ADGRL2: variants seen among roughly 807,000 people sequenced by gnomAD.
The protein encoded by ADGRL2 is calcium-independent alpha-latrotoxin receptor 2.
In ADGRL2, 44 loss-of-function variants were observed where a neutral mutation model predicts 157.4. The ratio of observed to expected loss-of-function variants is 0.28; its 90% CI spans 0.22 to 0.36. The LOEUF (loss-of-function observed/expected upper bound fraction) is 0.36. Among genes scored for constraint, ADGRL2 ranks in the 10% least tolerant of loss-of-function variants. ADGRL2 has a pLI of 1.00. For missense variants in ADGRL2, 1,510 were observed against 1,768.9 expected (o/e 0.85, Z 2.63); for synonymous variants, 585 against 624.7 (o/e 0.94, Z 0.95).
intron 1 of ADGRL2, among the ~76,000 whole-genome samples, chr1:81,388,248 A>T (rs1170516424): frequency 6.6e-6 from 1 of 152,114 alleles, no homozygotes; most frequent in Non-Finnish European, 1.5e-5. Context: ...TGTGTGTTTT[A>T]TTCAGGAGGA....
intron 3 of ADGRL2, among the ~76,000 whole-genome samples, chr1:81,601,022 T>A (rs886713790): frequency 2.0e-5 from 3 of 152,134 alleles, no homozygotes; most frequent in Admixed American, 2.0e-4. Flanking sequence ...AAGTAATGAG[T>A]GTGCTTCCAT....
At chr1:81,838,535 G>A (rs547159846) in intron 2 of ADGRL2, among the ~76,000 whole-genome samples, 1 of 152,060 alleles carries the variant, frequency 6.6e-6, no homozygotes, top group Admixed American at 6.6e-5. Context: ...TTTCTGGCTT[G>A]GATTGTTGTG....
intron 1 of ADGRL2, among the ~76,000 whole-genome samples, chr1:81,385,093 G>A (rs897660299): frequency 2.6e-5 from 4 of 152,058 alleles, no homozygotes; most frequent in African/African-American, 9.7e-5. Context: ...AGGGGACATA[G>A]TATTCCATTC....
intron 2 of ADGRL2, among the ~76,000 whole-genome samples, chr1:81,788,860 C>T (rs2149407924): frequency 6.6e-6 from 1 of 152,206 alleles, no homozygotes; most frequent in East Asian, 1.9e-4. Flanking sequence ...GGATTACAGG[C>T]ATGTGCCACC....
At position 81,641,977 on chromosome 1, in the gene ADGRL2, T is replaced by C. The variant is rs572548712; in HGVS notation, c.-143+60997T>C. ...ATAAAGAGAGAAGACACAAATATGA[T>C]AAATAAAAGAAAGTACATCACTACA... On this transcript the variant is annotated intron_variant, in intron 3 of 24. Transcript: ENST00000370721. 6.7e-5 allele frequency among the ~76,000 whole-genome samples: 10 copies of C among 150,132 alleles called. No homozygotes were observed. The South Asian group carries it at 2.1e-3, about 31-fold the overall frequency.
chr1:81,396,138 C>T (rs4285743), intron 1 of ADGRL2, among the ~76,000 whole-genome samples: 3 of 151,936 alleles, frequency 2.0e-5, no homozygotes, highest in Non-Finnish European at 4.4e-5. Flanking sequence ...AATCCATGAG[C>T]ATGGGAAGTC....
chr1:81,536,858 C>T (rs1315600160), intron 2 of ADGRL2, among the ~76,000 whole-genome samples: 1 of 152,154 alleles, frequency 6.6e-6, no homozygotes, highest in Non-Finnish European at 1.5e-5. Context: ...TTAGTGAGTG[C>T]CTACTGCGTG....
intron 1 of ADGRL2, among the ~76,000 whole-genome samples, chr1:81,814,715 T>A (rs182796596): frequency 1.6e-4 from 25 of 151,680 alleles, no homozygotes; most frequent in African/African-American, 5.5e-4. Flanking sequence ...TTTGCCTATT[T>A]AATAAAGATT....
At chr1:81,848,651 G>C (rs1052158249) in intron 2 of ADGRL2, among the ~76,000 whole-genome samples, 6 of 151,852 alleles carry the variant, frequency 4.0e-5, no homozygotes, top group African/African-American at 1.4e-4. Flanking sequence ...ACTATGTTAA[G>C]ATTTGTTTTT....
intron 2 of ADGRL2, among the ~76,000 whole-genome samples, chr1:81,862,453 A>G (rs1465958435): frequency 6.6e-6 from 1 of 152,186 alleles, no homozygotes; most frequent in African/African-American, 2.4e-5. Flanking sequence ...CATTTAGCCA[A>G]TAGCTCTGTA....
At chr1:81,328,022 C>T (rs1661014538) in intron 1 of ADGRL2, among the ~76,000 whole-genome samples, 1 of 152,102 alleles carries the variant, frequency 6.6e-6, no homozygotes, top group East Asian at 1.9e-4. Flanking sequence ...GCCTTTGAAA[C>T]AACCTCAGGG....
chr1:81,592,850 T>A (rs2081159149), intron 3 of ADGRL2, among the ~76,000 whole-genome samples: 1 of 151,988 alleles, frequency 6.6e-6, no homozygotes, highest in South Asian at 2.1e-4. Flanking sequence ...CTTATATCAG[T>A]AAAGTATTGG....
intron 1 of ADGRL2, among the ~76,000 whole-genome samples, chr1:81,761,082 A>C (rs933147705): frequency 5.9e-5 from 9 of 151,934 alleles, no homozygotes; most frequent in African/African-American, 2.2e-4. Flanking sequence ...CTTCAACAAC[A>C]AAAACAACAA....
At chr1:81,924,801 T>C (rs2095067441) in intron 3 of ADGRL2, among the ~76,000 whole-genome samples, 1 of 152,106 alleles carries the variant, frequency 6.6e-6, no homozygotes, top group South Asian at 2.1e-4. Flanking sequence ...ATCCATTCTA[T>C]TAAGCAGGAT....
intron 2 of ADGRL2, among the ~76,000 whole-genome samples, chr1:81,886,850 G>A (rs1306315930): frequency 6.6e-6 from 1 of 152,092 alleles, no homozygotes; most frequent in Admixed American, 6.5e-5. Context: ...CTGTCAGAAT[G>A]TCTGCCTCAG....
chr1:81,829,969 A>G (rs1557727753), intron 1 of ADGRL2, among the ~76,000 whole-genome samples: 1 of 152,168 alleles, frequency 6.6e-6, no homozygotes, highest in South Asian at 2.1e-4. Flanking sequence ...TGATTGATCT[A>G]GGTACACGTC....
chr1:81,385,138 A>T (rs536544643), intron 1 of ADGRL2, among the ~76,000 whole-genome samples: 1 of 152,262 alleles, frequency 6.6e-6, no homozygotes, highest in South Asian at 2.1e-4. Flanking sequence ...AGAATACTTA[A>T]ATTTTATCAA....
At chr1:81,507,947 G>C (rs2079008646) in intron 2 of ADGRL2, among the ~76,000 whole-genome samples, 1 of 152,240 alleles carries the variant, frequency 6.6e-6, no homozygotes, top group South Asian at 2.1e-4. Flanking sequence ...AGTGTTAAAG[G>C]TTCTAAAATA....
chr1:81,966,701 T>G (rs1657154016), intron 13 of ADGRL2, 92 bp downstream of exon 13: 1 of 1,051,006 alleles, frequency 9.5e-7, no homozygotes, highest in East Asian at 2.4e-5. Context: ...GGGAGAGAAC[T>G]GGGGAGATGG....
Sources: allele counts gnomAD v4.1 joint callset (sites outside exome capture counted in the v4.1 genomes callset), GRCh38; gene constraint gnomAD v4.1.1; transcripts MANE v1.5; gene names NCBI Gene and HGNC (gene_info 2026-07-23, HGNC 2026-07-21).